Variants in RIT1 observed in about 807,000 individuals in gnomAD.
RIT1 encodes the protein Ras like without CAAX 1, also known as GTP-binding protein Rit1.
In RIT1, 6 loss-of-function variants were observed where a neutral mutation model predicts 25.6. That is an observed-to-expected ratio of 0.23 (90% CI 0.13 to 0.46). The LOEUF (loss-of-function observed/expected upper bound fraction) is 0.46. Among genes scored for constraint, RIT1 ranks in the 20% least tolerant of loss-of-function variants. RIT1 has a pLI of 0.99. For missense variants in RIT1, 219 were observed against 284.4 expected, an observed-to-expected ratio of 0.77 and a Z score of 1.65; for synonymous variants, 81 against 94.1, an observed-to-expected ratio of 0.86 and a Z score of 0.80.
intron 3 of RIT1, among the ~76,000 whole-genome samples, chr1:155,905,654 C>T (rs1443759097): frequency 1.3e-5 from 2 of 151,996 alleles, no homozygotes; most frequent in East Asian, 1.9e-4. Context: ...GCATTATTAC[C>T]TCCATTTTAC....
chr1:155,907,241 T>C (rs1160793618), intron 3 of RIT1, among the ~76,000 whole-genome samples: 2 of 127,364 alleles, frequency 1.6e-5, no homozygotes, highest in East Asian at 2.1e-4. Context: ...ATTCATATGC[T>C]TTTTTTTTTT....
Position 155,900,634 on chromosome 1 carries a change from G to A in RIT1, c.430-16C>T, listed in dbSNP as rs1160848351. ...CCTTGGTGACCTTTAAGGGCAAAAT[G>A]TGAGAAAAGATAACAGTGAAAAACA... On this transcript the variant is annotated splice_polypyrimidine_tract_variant and intron_variant, in intron 5 of 5. Transcript: ENST00000368323. 3.1e-6 allele frequency: 5 copies of A among 1,600,556 alleles called. No individual in the cohort carries two copies. The African/African-American group carries it at 5.4e-5, about 17-fold the overall frequency.
At chr1:155,904,031 T>A (rs1158908211) in intron 5 of RIT1, among the ~76,000 whole-genome samples, 1 of 152,174 alleles carries the variant, frequency 6.6e-6, no homozygotes, top group East Asian at 1.9e-4. Context: ...CCCAACTAGC[T>A]GGGACCACAT....
At chr1:155,901,760 GT>G (rs1285880781) in intron 5 of RIT1, among the ~76,000 whole-genome samples, 1 of 152,036 alleles carries the variant, frequency 6.6e-6, no homozygotes, top group African/African-American at 2.4e-5. Context: ...CAAGGCTGCG[GT>G]AAGCCATGTT....
intron 3 of RIT1, among the ~76,000 whole-genome samples, chr1:155,909,344 C>T (rs1287925380): frequency 6.6e-6 from 1 of 151,502 alleles, no homozygotes; most frequent in Non-Finnish European, 1.5e-5. Context: ...TGCCACCGCA[C>T]TCCAGCCCGG....
chr1:155,904,430 C>T lies in RIT1; in HGVS notation c.310G>A (p.Asp104Asn). The T allele has an allele frequency of 1.2e-6, 2 of 1,614,076 alleles. No individual in the cohort carries two copies. Among genetic ancestry groups the T allele is most frequent in the Non-Finnish European group, 1.7e-6 (2 of 1,179,978 alleles). ...EGFIICYSIT[D>N]RRSFHEVREF... ...CGAACTTCATGGAAACTTCGACGATCCGTGATAGAGTAACAGATGATAAAC... is the reference window on the plus strand; with the variant it reads ...CGAACTTCATGGAAACTTCGACGATTCGTGATAGAGTAACAGATGATAAAC... Residue 104 changes from aspartate (D) to asparagine (N), a missense_variant, in exon 5 of 6, where the codon GAT becomes AAT. By Grantham distance (23) the Asp-to-Asn change is conservative. Around this residue, in one of 3 missense-constraint regions of RIT1, gnomAD observed 131 missense variants for 173.6 expected, o/e 0.75. Transcript: ENST00000368323.
At chr1:155,910,604 C>A in intron 2 of RIT1, 52 bp downstream of exon 2, 1 of 1,608,188 alleles carries the variant, frequency 6.2e-7, no homozygotes, top group South Asian at 1.1e-5. Context: ...CCCATCTGGT[C>A]ATTTAAGTAC....
At chr1:155,904,026 C>T (rs1557959769) in intron 5 of RIT1, among the ~76,000 whole-genome samples, 1 of 152,194 alleles carries the variant, frequency 6.6e-6, no homozygotes, top group Non-Finnish European at 1.5e-5. Flanking sequence ...AGCCTCCCAA[C>T]TAGCTGGGAC....
In RIT1 at chr1:155,898,285, G is replaced by A. The variant is rs1156740524; in HGVS notation, c.*2103C>T. Reference sequence around the variant, plus strand: ...GTGATAGTCTTAAAAACACCGATTTGTTATTTTCCTTATATATAATCCAAA... The same window carrying A: ...GTGATAGTCTTAAAAACACCGATTTATTATTTTCCTTATATATAATCCAAA... On this transcript the variant is annotated 3_prime_UTR_variant, in exon 6 of 6. Transcript: ENST00000368323. 1 of 151,880 alleles carries A rather than the reference G, an allele frequency of 6.6e-6. No individual in the cohort carries two copies. The highest frequency in any genetic ancestry group is 1.5e-5 in the Non-Finnish European group (1 of 67,954). 9.4% of individuals were successfully genotyped at this position (151,880 alleles called of 1,614,324 possible).
Position 155,899,644 on chromosome 1 carries a change from T to TAAA in RIT1, c.*741_*743dup, listed in dbSNP as rs397808743. ...TTCCCAAAATGTCTACCTTTGAAGG[T>TAAA]AAAAAAAAAAAGAAAACCCTGAAAT... is the stretch of plus-strand genomic sequence containing the variant. On this transcript the variant is annotated 3_prime_UTR_variant, in exon 6 of 6. Coordinates refer to ENST00000368323, the MANE Select transcript of RIT1 (RefSeq NM_006912.6). The TAAA allele has an allele frequency of 8.9e-4, 184 of 207,900 alleles. No individual in the cohort carries two copies. Among genetic ancestry groups the TAAA allele is most frequent in the African/African-American group, 3.8e-3 (163 of 42,854 alleles). 12.9% of individuals were successfully genotyped at this position (207,900 alleles called of 1,614,324 possible). A position where few individuals can be genotyped will look rare whatever the true frequency, so the allele number is the denominator to read the frequency against.
rs1057520939 is a variant in RIT1, at chr1:155,910,822, A to G, written c.-43-18T>C. 3 of 1,613,648 alleles carry G rather than the reference A, an allele frequency of 1.9e-6. No individual in the cohort carries two copies. In the African/African-American group the frequency reaches 4.0e-5, roughly 22 times the overall value. On this transcript the variant is annotated intron_variant, in intron 1 of 5. Transcript: ENST00000368323. ...AAAGCCACCTAGAAAAGGAGGAGGA[A>G]ATGCTTAATCCAGGATGGAGACACC... is the stretch of plus-strand genomic sequence containing the variant.
chr1:155,898,181 C>T lies in RIT1; in HGVS notation c.*2207G>A, dbSNP rs1365624794. 44 of 152,230 alleles carry T rather than the reference C, an allele frequency of 2.9e-4. No individual in the cohort carries two copies. The highest frequency in any genetic ancestry group is 2.9e-3 in the Admixed American group (44 of 15,266). 9.4% of individuals were successfully genotyped at this position (152,230 alleles called of 1,614,324 possible). A position where few individuals can be genotyped will look rare whatever the true frequency, so the allele number is the denominator to read the frequency against. Reference sequence around the variant, plus strand: ...GAATAGAGCTATGACTTATGCATATCATACCTGTCAAGCTACCTAGCACCA... The same window carrying T: ...GAATAGAGCTATGACTTATGCATATTATACCTGTCAAGCTACCTAGCACCA... On this transcript the variant is annotated 3_prime_UTR_variant, in exon 6 of 6. Coordinates refer to ENST00000368323, the MANE Select transcript of RIT1 (RefSeq NM_006912.6).
chr1:155,905,420 G>A (rs748025342), intron 3 of RIT1, among the ~76,000 whole-genome samples: 3 of 151,594 alleles, frequency 2.0e-5, no homozygotes, highest in African/African-American at 4.8e-5. Context: ...GGCTAGTCTC[G>A]AACTCCTGGG....
intron 5 of RIT1, among the ~76,000 whole-genome samples, chr1:155,902,361 C>T (rs1449238951): frequency 7.3e-5 from 10 of 137,862 alleles, no homozygotes; most frequent in African/African-American, 2.4e-4. Context: ...GCTTTTATAT[C>T]AAAAAAAAAA....
At chr1:155,905,777 G>A (rs186486271) in intron 3 of RIT1, among the ~76,000 whole-genome samples, 1 of 151,668 alleles carries the variant, frequency 6.6e-6, no homozygotes, top group East Asian at 1.9e-4. Flanking sequence ...TATTAACCAT[G>A]TGTTATACTT....
intron 4 of RIT1, 33 bp from the exon 5 acceptor site, chr1:155,904,535 G>A (rs371313977): frequency 6.8e-5 from 107 of 1,567,284 alleles, no homozygotes; most frequent in East Asian, 1.8e-4. Context: ...ATGTATTGAC[G>A]CAATCTAGCC....
chr1:155,900,927 T>G (rs929791994), intron 5 of RIT1, among the ~76,000 whole-genome samples: 1 of 152,142 alleles, frequency 6.6e-6, no homozygotes, highest in African/African-American at 2.4e-5. Context: ...GTGATTCTCC[T>G]GCCTCAGCCT....
chr1:155,909,785 G>A (rs1673544483), intron 3 of RIT1, among the ~76,000 whole-genome samples: 1 of 151,970 alleles, frequency 6.6e-6, no homozygotes, highest in Non-Finnish European at 1.5e-5. Flanking sequence ...AGCCGGGTGT[G>A]GTGGCAGATG....
Position 155,899,059 on chromosome 1 carries a change from T to C in RIT1, c.*1329A>G, listed in dbSNP as rs1220487775. 2 of 207,436 alleles carry C rather than the reference T, an allele frequency of 9.6e-6. No homozygotes were observed. The highest frequency in any genetic ancestry group is 4.6e-5 in the African/African-American group (2 of 43,894). 12.8% of individuals were successfully genotyped at this position (207,436 alleles called of 1,614,324 possible). ...ACATGATGCATTACTCTTAGCATTT[T>C]TGCATTTACTCTCCGCATATAACAA... On this transcript the variant is annotated 3_prime_UTR_variant, in exon 6 of 6. Coordinates refer to ENST00000368323, the MANE Select transcript of RIT1 (RefSeq NM_006912.6).
Sources: allele counts gnomAD v4.1 joint callset (sites outside exome capture counted in the v4.1 genomes callset), GRCh38; gene constraint gnomAD v4.1.1; regional missense constraint gnomAD v4.1.1; transcripts MANE v1.5; gene names NCBI Gene and HGNC (gene_info 2026-07-23, HGNC 2026-07-21).